The following XIRP2 variants were observed in gnomAD, a reference collection of about 807,000 sequenced individuals.
XIRP2 encodes xin actin-binding repeat-containing protein 2.
In XIRP2, 236 loss-of-function variants were observed where a neutral mutation model predicts 277.0. That is an observed-to-expected ratio of 0.85 (90% CI 0.77 to 0.95). The LOEUF is 0.95. Among genes scored for constraint, XIRP2 ranks in the 40% least tolerant of loss-of-function variants. XIRP2 has a pLI of 0.00. For synonymous variants in XIRP2, 1,490 were observed against 1,416.5 expected (o/e 1.05, Z -1.17); for missense variants, 4,640 against 4,157.5 (o/e 1.12, Z -3.19).
At chr2:166,976,952 G>A (rs1053443395) in intron 2 of XIRP2, among the ~76,000 whole-genome samples, 13 of 152,030 alleles carry the variant, frequency 8.6e-5, no homozygotes, top group Admixed American at 5.9e-4. Flanking sequence ...TTTTGTCTTC[G>A]GATGCATTTT....
chr2:167,231,385 C>T (rs1017714169), intron 5 of XIRP2, among the ~76,000 whole-genome samples: 1 of 151,898 alleles, frequency 6.6e-6, no homozygotes, highest in Non-Finnish European at 1.5e-5. Context: ...ATGGAACATA[C>T]GTTACCAAAA....
intron 2 of XIRP2, among the ~76,000 whole-genome samples, chr2:167,016,729 T>A (rs1168084101): frequency 6.6e-6 from 1 of 151,848 alleles, no homozygotes; most frequent in Non-Finnish European, 1.5e-5. Context: ...GGGAGAGTAC[T>A]CAGATTTGAA....
At chr2:167,184,573 C>A in intron 3 of XIRP2, 2 of 717,456 alleles carry the variant, frequency 2.8e-6, no homozygotes, top group East Asian at 2.7e-5. Context: ...CCCAGATTCT[C>A]AGGCTCCACC....
chr2:167,247,879 C>T lies in XIRP2; in HGVS notation c.6487C>T (p.Pro2163Ser). The T allele has an allele frequency of 1.2e-6, 2 of 1,613,558 alleles. No homozygotes were observed. Among genetic ancestry groups the T allele is most frequent in the Non-Finnish European group, 1.7e-6 (2 of 1,179,748 alleles). Reference protein sequence around the residue: ...LTDTQSSKPSPTQHPVSMPVG... With the variant: ...LTDTQSSKPSSTQHPVSMPVG... ...TGATACACAAAGCTCCAAGCCCAGTCCCACCCAGCATCCAGTCAGCATGCC... is the reference window on the plus strand; with the variant it reads ...TGATACACAAAGCTCCAAGCCCAGTTCCACCCAGCATCCAGTCAGCATGCC... Residue 2163 changes from proline (P) to serine (S), a missense_variant, in exon 9 of 11, where the codon CCC becomes TCC. Physicochemically the swap from Pro to Ser is moderately conservative, Grantham distance 74. Transcript: ENST00000409195.
chr2:167,231,553 G>A (rs904442521), intron 5 of XIRP2, among the ~76,000 whole-genome samples: 26 of 151,956 alleles, frequency 1.7e-4, no homozygotes, highest in Admixed American at 9.2e-4. Flanking sequence ...TTCTTAGGAA[G>A]GCTAATGGAC....
intron 2 of XIRP2, among the ~76,000 whole-genome samples, chr2:167,094,088 T>G (rs1480719462): frequency 6.6e-6 from 1 of 152,264 alleles, no homozygotes; most frequent in South Asian, 2.1e-4. Context: ...CTTTTTTTCA[T>G]ATATGTGTTG....
At chr2:167,142,600 G>A (rs561942348) in intron 3 of XIRP2, among the ~76,000 whole-genome samples, 1 of 151,998 alleles carries the variant, frequency 6.6e-6, no homozygotes, top group Non-Finnish European at 1.5e-5. Flanking sequence ...AAAGGTACAT[G>A]GGATTTGTGT....
At chr2:166,895,213 A>G (rs74760811) in intron 1 of XIRP2, among the ~76,000 whole-genome samples, 2,345 of 152,280 alleles carry the variant, frequency 0.015, 72 homozygotes, top group African/African-American at 0.054. Flanking sequence ...GCCATATGTG[A>G]CACTGCAAAA....
chr2:167,178,741 A>G (rs1018774503), intron 3 of XIRP2, among the ~76,000 whole-genome samples: 1 of 152,110 alleles, frequency 6.6e-6, no homozygotes, highest in Non-Finnish European at 1.5e-5. Flanking sequence ...CTCAAATTAA[A>G]CTTTTTGCTT....
chr2:167,163,004 G>A (rs1331093175), intron 3 of XIRP2, among the ~76,000 whole-genome samples: 1 of 152,034 alleles, frequency 6.6e-6, no homozygotes. Context: ...ATATCAGAAG[G>A]TTTTTCTCCC....
intron 2 of XIRP2, among the ~76,000 whole-genome samples, chr2:167,069,176 T>A (rs1689376922): frequency 6.6e-6 from 1 of 152,226 alleles, no homozygotes; most frequent in African/African-American, 2.4e-5. Context: ...GCCTACACAT[T>A]ACTTCATTTG....
At chr2:167,164,728 TA>T (rs1692472633) in intron 3 of XIRP2, among the ~76,000 whole-genome samples, 1 of 152,176 alleles carries the variant, frequency 6.6e-6, no homozygotes, top group Non-Finnish European at 1.5e-5. Flanking sequence ...TAATGGACAT[TA>T]TTTTTAATCA....
intron 2 of XIRP2, among the ~76,000 whole-genome samples, chr2:167,008,941 A>G (rs906029553): frequency 6.6e-6 from 1 of 151,550 alleles, no homozygotes; most frequent in Non-Finnish European, 1.5e-5. Context: ...AATTTTATTC[A>G]ATTTTTCAAA....
intron 2 of XIRP2, among the ~76,000 whole-genome samples, chr2:166,960,869 A>C (rs994884246): frequency 6.6e-6 from 1 of 151,750 alleles, no homozygotes; most frequent in Non-Finnish European, 1.5e-5. Flanking sequence ...CCTTGTAACC[A>C]TCCTGACCTT....
intron 2 of XIRP2, among the ~76,000 whole-genome samples, chr2:167,040,292 A>C (rs1688627500): frequency 6.6e-6 from 1 of 151,970 alleles, no homozygotes; most frequent in South Asian, 2.1e-4. Context: ...TGTAAACAGA[A>C]GGAGAATGCA....
At chr2:166,928,278 A>G (rs764763637) in intron 2 of XIRP2, among the ~76,000 whole-genome samples, 7 of 152,116 alleles carry the variant, frequency 4.6e-5, no homozygotes, top group Admixed American at 6.6e-5. Flanking sequence ...AAACTGACAG[A>G]TGGGTTTATG....
At chr2:167,225,711 G>T (rs1157808293) in intron 5 of XIRP2, among the ~76,000 whole-genome samples, 1 of 152,064 alleles carries the variant, frequency 6.6e-6, no homozygotes, top group Non-Finnish European at 1.5e-5. Flanking sequence ...TTGTTCTCAA[G>T]AGGCATATAA....
At chr2:167,242,158 A>C (rs951413881) in intron 8 of XIRP2, among the ~76,000 whole-genome samples, 2 of 152,174 alleles carry the variant, frequency 1.3e-5, no homozygotes, top group African/African-American at 4.8e-5. Context: ...ATTAACATTA[A>C]AGTAATTAAA....
chr2:167,023,532 T>C (rs887915021), intron 2 of XIRP2, among the ~76,000 whole-genome samples: 11 of 152,088 alleles, frequency 7.2e-5, no homozygotes, highest in Non-Finnish European at 1.5e-4. Flanking sequence ...TCCTTGCCCA[T>C]GCCTATGTCC....
Sources: allele counts gnomAD v4.1 joint callset (sites outside exome capture counted in the v4.1 genomes callset), GRCh38; gene constraint gnomAD v4.1.1; transcripts MANE v1.5; gene names NCBI Gene and HGNC (gene_info 2026-07-23, HGNC 2026-07-21).